The following RAPGEF2 variants were observed in gnomAD, a reference collection of about 807,000 sequenced individuals.
RAPGEF2 encodes the protein PDZ domain containing guanine nucleotide exchange factor (GEF) 1.
A neutral mutation model predicts 186.7 loss-of-function variants in RAPGEF2; 54 were observed. That is an observed-to-expected ratio of 0.29 (90% CI 0.23 to 0.36). The LOEUF is 0.36. Among genes scored for constraint, RAPGEF2 ranks in the 10% least tolerant of loss-of-function variants. The pLI is 1.00. For missense variants in RAPGEF2, 1,532 were observed against 2,045.0 expected (o/e 0.75, Z 4.84); for synonymous variants, 712 against 705.9 (o/e 1.01, Z -0.14).
chr4:159,233,673 A>G (rs566094522), intron 4 of RAPGEF2, among the ~76,000 whole-genome samples: 21 of 152,272 alleles, frequency 1.4e-4, no homozygotes, highest in Non-Finnish European at 2.9e-4. Context: ...TGTGCAGCGT[A>G]TACTGCTTGG....
Position 159,229,760 on chromosome 4 carries a change from T to G in RAPGEF2, c.282-9049T>G, listed in dbSNP as rs369494273. Among the ~76,000 whole-genome samples, 18 of 152,310 alleles carry G rather than the reference T, an allele frequency of 1.2e-4. No individual in the cohort carries two copies. In the East Asian group the frequency reaches 1.7e-3, roughly 15 times the overall value. On this transcript the variant is annotated intron_variant, in intron 4 of 29. Coordinates refer to ENST00000691494, the MANE Select transcript of RAPGEF2 (RefSeq NM_001394067.2). ...TTGTATAAAAACTTCAGCAAAAAAT[T>G]TAATGAGAATGAAAGTCTGAATTGT...
At chr4:159,108,031 A>G (rs967679615) in intron 1 of RAPGEF2, among the ~76,000 whole-genome samples, 1 of 152,222 alleles carries the variant, frequency 6.6e-6, no homozygotes, top group African/African-American at 2.4e-5. Context: ...ATGTCTCATA[A>G]AGAAATGATT....
intron 2 of RAPGEF2, among the ~76,000 whole-genome samples, chr4:159,187,459 A>G (rs777357661): frequency 6.6e-6 from 1 of 152,230 alleles, no homozygotes; most frequent in Non-Finnish European, 1.5e-5. Context: ...GCATTCAGAT[A>G]TATTAGAAAC....
intron 29 of RAPGEF2, among the ~76,000 whole-genome samples, chr4:159,356,778 G>A (rs1228409488): frequency 6.6e-6 from 1 of 152,094 alleles, no homozygotes; most frequent in Non-Finnish European, 1.5e-5. Context: ...GCAGGCACCT[G>A]TAATCCCAGC....
chr4:159,165,204 A>C (rs1041692666), intron 1 of RAPGEF2, among the ~76,000 whole-genome samples: 1 of 152,166 alleles, frequency 6.6e-6, no homozygotes, highest in African/African-American at 2.4e-5. Context: ...TGGGCTCTCA[A>C]GGTATTTGGA....
intron 7 of RAPGEF2, among the ~76,000 whole-genome samples, chr4:159,283,547 A>G (rs1760021676): frequency 6.6e-6 from 1 of 152,144 alleles, no homozygotes; most frequent in African/African-American, 2.4e-5. Context: ...ATCTTATATC[A>G]TAAACATGAA....
At chr4:159,222,530 C>T (rs1486434820) in intron 4 of RAPGEF2, among the ~76,000 whole-genome samples, 1 of 152,110 alleles carries the variant, frequency 6.6e-6, no homozygotes, top group Non-Finnish European at 1.5e-5. Context: ...ATTTTAGAGT[C>T]TGATGTTTGT....
At chr4:159,150,831 G>T (rs573989677) in intron 1 of RAPGEF2, among the ~76,000 whole-genome samples, 2 of 152,320 alleles carry the variant, frequency 1.3e-5, no homozygotes, top group East Asian at 3.9e-4. Context: ...TTGGAATCAG[G>T]TGATGACCTA....
intron 4 of RAPGEF2, among the ~76,000 whole-genome samples, chr4:159,235,492 T>C (rs1275478701): frequency 1.3e-5 from 2 of 152,256 alleles, no homozygotes; most frequent in Non-Finnish European, 2.9e-5. Context: ...TAAAATGTCT[T>C]GTACTTTGTT....
chr4:159,219,429 C>A (rs574121451), intron 4 of RAPGEF2, among the ~76,000 whole-genome samples: 26 of 138,626 alleles, frequency 1.9e-4, no homozygotes, highest in African/African-American at 5.0e-4. Context: ...GATCTGGGCT[C>A]ACTGCAAGCC....
chr4:159,199,808 A>T (rs1337416864), intron 3 of RAPGEF2, among the ~76,000 whole-genome samples: 1 of 152,184 alleles, frequency 6.6e-6, no homozygotes, highest in African/African-American at 2.4e-5. Context: ...CTGGGTGTGT[A>T]TAAGTTACCT....
chr4:159,240,081 C>T (rs1219171025), intron 5 of RAPGEF2, among the ~76,000 whole-genome samples: 2 of 152,160 alleles, frequency 1.3e-5, no homozygotes, highest in Non-Finnish European at 2.9e-5. Context: ...AGATATATAG[C>T]ACTTTCCAAC....
chr4:159,105,485 A>G (rs1416722035), intron 1 of RAPGEF2, among the ~76,000 whole-genome samples: 2 of 152,182 alleles, frequency 1.3e-5, no homozygotes, highest in Non-Finnish European at 2.9e-5. Flanking sequence ...TCCTTGATGG[A>G]GCTGTCACAT....
intron 1 of RAPGEF2, among the ~76,000 whole-genome samples, chr4:159,119,121 G>A (rs1267746849): frequency 2.0e-5 from 3 of 152,140 alleles, no homozygotes; most frequent in African/African-American, 7.2e-5. Context: ...TGCAGATATA[G>A]GGGTTAACTC....
At chr4:159,114,734 A>C (rs1738859673) in intron 1 of RAPGEF2, among the ~76,000 whole-genome samples, 1 of 152,258 alleles carries the variant, frequency 6.6e-6, no homozygotes, top group African/African-American at 2.4e-5. Context: ...TAGTAGCTTA[A>C]GGAAGTCAAT....
chr4:159,269,137 C>T (rs530861145), intron 7 of RAPGEF2, among the ~76,000 whole-genome samples: 63 of 152,196 alleles, frequency 4.1e-4, no homozygotes, highest in African/African-American at 1.5e-3. Context: ...GTCGCTGAGG[C>T]TTTGTAAGTT....
intron 29 of RAPGEF2, 70 bp downstream of exon 29, chr4:159,356,228 T>C: frequency 6.9e-6 from 10 of 1,448,158 alleles, no homozygotes; most frequent in Non-Finnish European, 9.4e-6. Flanking sequence ...CCCAAGGCAT[T>C]TCTGTTCTCT....
intron 25 of RAPGEF2, among the ~76,000 whole-genome samples, chr4:159,348,466 T>C (rs1341001074): frequency 2.0e-5 from 3 of 152,168 alleles, no homozygotes; most frequent in Admixed American, 6.5e-5. Context: ...AGTGTCCTCT[T>C]TATTGATATG....
intron 8 of RAPGEF2, among the ~76,000 whole-genome samples, chr4:159,310,152 A>G (rs1763793697): frequency 6.6e-6 from 1 of 152,144 alleles, no homozygotes; most frequent in Non-Finnish European, 1.5e-5. Context: ...GCAAATGTCT[A>G]CACCTTAAGT....
Sources: allele counts gnomAD v4.1 joint callset (sites outside exome capture counted in the v4.1 genomes callset), GRCh38; gene constraint gnomAD v4.1.1; transcripts MANE v1.5; gene names NCBI Gene and HGNC (gene_info 2026-07-23, HGNC 2026-07-21).